Variants in ACTR3C observed in about 807,000 individuals in gnomAD.
ACTR3C encodes actin-related protein 3C.
Under a neutral mutation model 26.3 loss-of-function variants are expected in ACTR3C, and 18 were observed. The observed-to-expected ratio is 0.68, with a 90% CI of 0.47 to 1.01. ACTR3C has a LOEUF of 1.01. Among genes scored for constraint, ACTR3C ranks in the 50% least tolerant of loss-of-function variants. ACTR3C has a pLI of 0.00. For missense variants in ACTR3C, 184 were observed against 250.7 expected (o/e 0.73, Z 1.80); for synonymous variants, 55 against 94.5 (o/e 0.58, Z 2.42).
At chr7:150,092,913 C>T in the ACTR3C span, among the ~76,000 whole-genome samples, 5 of 151,570 alleles carry the variant, frequency 3.3e-5, no homozygotes, top group Admixed American at 2.0e-4. Flanking sequence ...CTGTGGATAC[C>T]GATTCCTGCA....
chr7:150,079,148 T>C, the ACTR3C span, among the ~76,000 whole-genome samples: 1 of 152,058 alleles, frequency 6.6e-6, no homozygotes, highest in Non-Finnish European at 1.5e-5. Flanking sequence ...ATTCTGGGAG[T>C]GCCAGGTCAC....
At chr7:150,263,540 A>G (rs2129610238) in intron 6 of ACTR3C, among the ~76,000 whole-genome samples, 1 of 151,656 alleles carries the variant, frequency 6.6e-6, no homozygotes, top group African/African-American at 2.4e-5. Context: ...AGAAAGAGAC[A>G]ACACAGGATG....
At chr7:150,042,435 C>T in the ACTR3C span, among the ~76,000 whole-genome samples, 2 of 149,354 alleles carry the variant, frequency 1.3e-5, no homozygotes, top group Non-Finnish European at 3.0e-5. Context: ...GTGCCTCCTC[C>T]CCTGTGATGA....
chr7:149,937,271 A>G, the ACTR3C span, among the ~76,000 whole-genome samples: 4 of 141,806 alleles, frequency 2.8e-5, no homozygotes, highest in Admixed American at 7.4e-5. Flanking sequence ...ATCTTTGTGC[A>G]CAAGTTCATG....
At chr7:149,920,081 C>A in the ACTR3C span, among the ~76,000 whole-genome samples, 1 of 152,060 alleles carries the variant, frequency 6.6e-6, no homozygotes, top group Non-Finnish European at 1.5e-5. Flanking sequence ...AAAGATTATT[C>A]AATTATTGAA....
At chr7:149,971,736 G>A in the ACTR3C span, among the ~76,000 whole-genome samples, 1 of 152,072 alleles carries the variant, frequency 6.6e-6, no homozygotes, top group Admixed American at 6.6e-5. Flanking sequence ...TGTCTCCCTC[G>A]TCTCCCATTT....
intron 6 of ACTR3C, among the ~76,000 whole-genome samples, chr7:150,251,746 T>C (rs1832865531): frequency 6.6e-6 from 1 of 152,098 alleles, no homozygotes; most frequent in Non-Finnish European, 1.5e-5. Context: ...ATTTCTTCCA[T>C]ACACAGAAAA....
intron 1 of ACTR3C, among the ~76,000 whole-genome samples, chr7:150,315,188 T>A (rs1415359027): frequency 2.7e-5 from 4 of 150,760 alleles, no homozygotes; most frequent in Admixed American, 2.6e-4. Flanking sequence ...TAGGCAAAGA[T>A]TTCTCTAAAA....
the ACTR3C span, among the ~76,000 whole-genome samples, chr7:150,035,841 T>G: frequency 1.0e-5 from 1 of 98,340 alleles, no homozygotes; most frequent in Non-Finnish European, 2.2e-5. Context: ...GGGGGTTGCC[T>G]CTCCCCCCCT....
At chr7:149,918,449 G>A in the ACTR3C span, among the ~76,000 whole-genome samples, 3 of 152,318 alleles carry the variant, frequency 2.0e-5, no homozygotes, top group South Asian at 2.1e-4. Context: ...CCAACACTTC[G>A]GGAGGCCGAG....
intron 1 of ACTR3C, among the ~76,000 whole-genome samples, chr7:150,309,609 C>T (rs1386552915): frequency 2.0e-5 from 3 of 152,206 alleles, no homozygotes; most frequent in Admixed American, 6.5e-5. Context: ...TTAAATCCTC[C>T]TCATGGACCT....
the ACTR3C span, among the ~76,000 whole-genome samples, chr7:150,129,209 A>T: frequency 6.6e-6 from 1 of 152,192 alleles, no homozygotes; most frequent in Non-Finnish European, 1.5e-5. Context: ...GGCATTTTCC[A>T]TAACCCAGGA....
At chr7:149,992,930 G>C in the ACTR3C span, among the ~76,000 whole-genome samples, 1 of 152,122 alleles carries the variant, frequency 6.6e-6, no homozygotes, top group Non-Finnish European at 1.5e-5. Context: ...CCAAAGGCTG[G>C]AGAGCCCCCG....
At chr7:149,949,470 A>G in the ACTR3C span, among the ~76,000 whole-genome samples, 1 of 147,836 alleles carries the variant, frequency 6.8e-6, no homozygotes, top group South Asian at 2.1e-4. Context: ...CCCAACCTAC[A>G]GGAAAGTGGT....
intron 1 of ACTR3C, among the ~76,000 whole-genome samples, chr7:150,296,436 C>A (rs1458884334): frequency 1.3e-5 from 2 of 151,958 alleles, no homozygotes; most frequent in Non-Finnish European, 2.9e-5. Context: ...TTCCAAGAAT[C>A]CAAGTATCTA....
chr7:150,280,041 C>T (rs1835190349), intron 6 of ACTR3C, among the ~76,000 whole-genome samples: 1 of 152,144 alleles, frequency 6.6e-6, no homozygotes, highest in Non-Finnish European at 1.5e-5. Context: ...ATTGGCTTCC[C>T]CCTCAAGTAA....
At chr7:150,293,932 T>C (rs1486161589) in intron 2 of ACTR3C, among the ~76,000 whole-genome samples, 1 of 151,874 alleles carries the variant, frequency 6.6e-6, no homozygotes, top group Non-Finnish European at 1.5e-5. Flanking sequence ...TGAGACCTTG[T>C]CTCAAAAATA....
chr7:150,244,679 A>C (rs184274069), downstream of ACTR3C: 46 of 156,090 alleles, frequency 2.9e-4, no homozygotes, highest in East Asian at 6.2e-3. Flanking sequence ...ACCTACAGAG[A>C]GCCAGAGAGA....
chr7:150,284,397 T>A (rs950246931), intron 6 of ACTR3C, among the ~76,000 whole-genome samples: 1 of 151,872 alleles, frequency 6.6e-6, no homozygotes, highest in African/African-American at 2.4e-5. Flanking sequence ...CACAAAAAAA[T>A]TCGCTGGGCG....
Sources: gnomAD v4.1 joint callset for allele counts (sites outside exome capture counted in the v4.1 genomes callset) on GRCh38, gnomAD v4.1.1 for gene constraint, MANE v1.5 for transcripts, NCBI Gene and HGNC (gene_info 2026-07-23, HGNC 2026-07-21) for gene names.